SLIT2: variants seen among roughly 807,000 people sequenced by gnomAD.
The protein encoded by SLIT2 is slit guidance ligand 2.
A neutral mutation model predicts 185.7 loss-of-function variants in SLIT2; 41 were observed. That is an observed-to-expected ratio of 0.22 (90% CI 0.17 to 0.29). The LOEUF (loss-of-function observed/expected upper bound fraction) is 0.29. Ranked by LOEUF, SLIT2 falls within the 10% of genes least tolerant of loss-of-function variation. The pLI is 1.00. For missense variants in SLIT2, 1,571 were observed against 1,909.0 expected (o/e 0.82, Z 3.30); for synonymous variants, 693 against 680.2 (o/e 1.02, Z -0.29).
At chr4:20,423,277 A>G (rs1158800866) in intron 4 of SLIT2, among the ~76,000 whole-genome samples, 1 of 152,126 alleles carries the variant, frequency 6.6e-6, no homozygotes, top group African/African-American at 2.4e-5. Context: ...AAACCAGAAA[A>G]GGAGACTTAG....
intron 4 of SLIT2, among the ~76,000 whole-genome samples, chr4:20,277,515 A>C (rs1372591011): frequency 2.0e-5 from 3 of 151,732 alleles, no homozygotes; most frequent in Non-Finnish European, 4.4e-5. Context: ...CTAGGGTAAA[A>C]CATTTGAAAT....
intron 4 of SLIT2, among the ~76,000 whole-genome samples, chr4:20,374,213 C>G (rs1723824232): frequency 6.6e-6 from 1 of 151,972 alleles, no homozygotes; most frequent in Non-Finnish European, 1.5e-5. Flanking sequence ...GGAATGAACA[C>G]CAGATATGAA....
At chr4:20,487,428 T>C (rs1406012829) in intron 7 of SLIT2, among the ~76,000 whole-genome samples, 1 of 152,186 alleles carries the variant, frequency 6.6e-6, no homozygotes, top group Non-Finnish European at 1.5e-5. Context: ...GCCAATGAAA[T>C]TGTAAAAACA....
chr4:20,583,135 A>G (rs552476695), intron 29 of SLIT2, among the ~76,000 whole-genome samples: 76 of 152,328 alleles, frequency 5.0e-4, no homozygotes, highest in African/African-American at 1.8e-3. Flanking sequence ...AAGGGGGACT[A>G]CTTTACTTGG....
chr4:20,602,239 A>C (rs913706500), intron 33 of SLIT2, among the ~76,000 whole-genome samples: 5 of 152,224 alleles, frequency 3.3e-5, no homozygotes, highest in Admixed American at 2.6e-4. Context: ...AAGTTAATGA[A>C]AAATATGTGC....
chr4:20,342,719 T>TTG (rs1721061419), intron 4 of SLIT2, among the ~76,000 whole-genome samples: 1 of 131,698 alleles, frequency 7.6e-6, no homozygotes, highest in South Asian at 2.6e-4. Context: ...CTATCGCACT[T>TTG]TTTTTTTTTT....
chr4:20,303,694 G>A (rs1431745604), intron 4 of SLIT2, among the ~76,000 whole-genome samples: 7 of 152,302 alleles, frequency 4.6e-5, no homozygotes, highest in South Asian at 2.1e-4. Context: ...TAGGATCACC[G>A]TCTGTGTAGA....
chr4:20,513,911 G>A (rs1719968003), intron 11 of SLIT2, among the ~76,000 whole-genome samples: 1 of 152,134 alleles, frequency 6.6e-6, no homozygotes, highest in Non-Finnish European at 1.5e-5. Context: ...TCAAGAATTA[G>A]CAAAAAATAT....
intron 5 of SLIT2, among the ~76,000 whole-genome samples, chr4:20,472,503 T>TATAG (rs1491300057): frequency 3.8e-4 from 5 of 13,332 alleles, no homozygotes; most frequent in Non-Finnish European, 4.5e-4. Context: ...GATATATATC[T>TATAG]ATATATAGAT....
chr4:20,450,967 T>C (rs1340266228), intron 4 of SLIT2, among the ~76,000 whole-genome samples: 1 of 152,184 alleles, frequency 6.6e-6, no homozygotes, highest in East Asian at 1.9e-4. Flanking sequence ...TGATCTATCT[T>C]ACAACAAATG....
chr4:20,325,214 T>G (rs1481957794), intron 4 of SLIT2, among the ~76,000 whole-genome samples: 1 of 151,902 alleles, frequency 6.6e-6, no homozygotes, highest in East Asian at 1.9e-4. Context: ...GCTTTCAAAC[T>G]GCTCTCAAGT....
intron 4 of SLIT2, among the ~76,000 whole-genome samples, chr4:20,319,564 T>G (rs1364113228): frequency 6.6e-6 from 1 of 152,188 alleles, no homozygotes; most frequent in African/African-American, 2.4e-5. Flanking sequence ...TTAACTAGGT[T>G]TGGAATTATA....
At chr4:20,256,345 A>G (rs533050972) in intron 1 of SLIT2, among the ~76,000 whole-genome samples, 1 of 152,248 alleles carries the variant, frequency 6.6e-6, no homozygotes, top group African/African-American at 2.4e-5. Flanking sequence ...TTATAGTAAA[A>G]TAGCAGAATA....
intron 11 of SLIT2, among the ~76,000 whole-genome samples, chr4:20,513,826 A>G (rs1323630138): frequency 2.6e-5 from 4 of 151,912 alleles, no homozygotes; most frequent in Non-Finnish European, 5.9e-5. Flanking sequence ...TAATGCAGAT[A>G]TATAGAGGAA....
chr4:20,553,737 G>C (rs1723985971), intron 25 of SLIT2, 68 bp from the exon 26 acceptor site: 2 of 552,904 alleles, frequency 3.6e-6, no homozygotes, highest in Admixed American at 9.5e-5. Context: ...TTCCATACTT[G>C]TGTGTGTGTG....
intron 20 of SLIT2, among the ~76,000 whole-genome samples, chr4:20,541,862 TCTTA>T (rs1347501942): frequency 7.2e-6 from 1 of 139,800 alleles, no homozygotes; most frequent in Non-Finnish European, 1.6e-5. Flanking sequence ...TTGTGGTTGG[TCTTA>T]CTTATATAGC....
intron 1 of SLIT2, chr4:20,255,012 G>T: frequency 2.2e-6 from 1 of 456,334 alleles, no homozygotes; most frequent in East Asian, 7.0e-5. Flanking sequence ...GCGAAGTGGA[G>T]CATGGAGGCC....
chr4:20,464,511 G>T (rs983143107), intron 4 of SLIT2, among the ~76,000 whole-genome samples: 1 of 152,008 alleles, frequency 6.6e-6, no homozygotes, highest in Non-Finnish European at 1.5e-5. Flanking sequence ...TCCTCCCTCG[G>T]CAGCTCCATC....
chr4:20,372,620 T>G (rs1723684973), intron 4 of SLIT2, among the ~76,000 whole-genome samples: 2 of 152,152 alleles, frequency 1.3e-5, no homozygotes, highest in East Asian at 3.9e-4. Context: ...GGACCCTATT[T>G]TCCATTTTTA....
Sources: allele counts gnomAD v4.1 joint callset (sites outside exome capture counted in the v4.1 genomes callset), GRCh38; gene constraint gnomAD v4.1.1; transcripts MANE v1.5; gene names NCBI Gene and HGNC (gene_info 2026-07-23, HGNC 2026-07-21).